GCLC: variants seen among roughly 807,000 people sequenced by gnomAD.
GCLC encodes the protein glutamate--cysteine ligase catalytic subunit.
A neutral mutation model predicts 81.5 loss-of-function variants in GCLC; 30 were observed. The ratio of observed to expected loss-of-function variants is 0.37; its 90% CI spans 0.28 to 0.50. GCLC has a LOEUF of 0.50. Among genes scored for constraint, GCLC ranks in the 20% least tolerant of loss-of-function variants. The pLI, the probability that GCLC is intolerant of heterozygous loss-of-function variation, is 0.96. For missense variants in GCLC, 556 were observed against 777.4 expected, an observed-to-expected ratio of 0.72 and a Z score of 3.39; for synonymous variants, 262 against 273.3, an observed-to-expected ratio of 0.96 and a Z score of 0.41.
chr6:53,500,305 G>A lies in GCLC; in HGVS notation c.1523C>T (p.Thr508Met), dbSNP rs747153536. The change falls in exon 14 of 16, where the codon ACG becomes ATG. Residue 508 changes from threonine to methionine, a missense_variant. Around this residue, in one of 3 missense-constraint regions of GCLC, gnomAD observed 313 missense variants for 437.3 expected, o/e 0.72. Transcript: ENST00000650454. ...VDGCGKAQNS[T>M]ELAAEEYTLM... ...GGTGTACTCCTCTGCAGCGAGCTCC[G>A]TGCTGTTCTGGGCCTTGCCACAACC... 16 of 1,614,114 alleles carry A rather than the reference G, an allele frequency of 9.9e-6. No homozygotes were observed. The highest frequency in any genetic ancestry group is 1.6e-4 in the Middle Eastern group (1 of 6,062).
intron 1 of GCLC, 105 bp downstream of exon 1, chr6:53,544,391 T>C: frequency 8.2e-7 from 1 of 1,225,340 alleles, no homozygotes. Flanking sequence ...CCGGGCGCAG[T>C]GGAGAACGCG....
intron 1 of GCLC, among the ~76,000 whole-genome samples, chr6:53,538,135 CCTT>C (rs773799332): frequency 9.6e-6 from 1 of 103,888 alleles, no homozygotes; most frequent in South Asian, 3.1e-4. Context: ...TTTTTTCTTT[CCTT>C]TTTTTTTTTT....
At position 53,522,407 on chromosome 6, in the gene GCLC, G is replaced by A; in HGVS notation, c.263+8C>T. On this transcript the variant is annotated splice_region_variant and intron_variant, in intron 2 of 15. Coordinates refer to ENST00000650454, the MANE Select transcript of GCLC (RefSeq NM_001498.4). ...TCAGAAACACTAAATCAGCACATGA[G>A]AGCTTACTTTGGGTTTGTCCTTTCC... 6 of 1,482,798 alleles carry A rather than the reference G, an allele frequency of 4.0e-6. No homozygotes were observed. The highest frequency in any genetic ancestry group is 5.7e-6 in the Non-Finnish European group (6 of 1,059,966). 91.9% of individuals were successfully genotyped at this position (1,482,798 alleles called of 1,614,324 possible).
At chr6:53,533,995 A>G (rs1355694471) in intron 1 of GCLC, among the ~76,000 whole-genome samples, 1 of 152,044 alleles carries the variant, frequency 6.6e-6, no homozygotes, top group East Asian at 1.9e-4. Context: ...GGTTTTCACC[A>G]TGTTGGTCAG....
intron 3 of GCLC, among the ~76,000 whole-genome samples, chr6:53,517,933 G>T (rs557959637): frequency 1.3e-5 from 2 of 151,942 alleles, no homozygotes; most frequent in Non-Finnish European, 1.5e-5. Context: ...TTACTGTTTT[G>T]GACTAGAGTT....
intron 3 of GCLC, among the ~76,000 whole-genome samples, chr6:53,516,681 G>C (rs1764879635): frequency 6.6e-6 from 1 of 152,092 alleles, no homozygotes; most frequent in East Asian, 1.9e-4. Context: ...CCACTTCCTG[G>C]TAGGCTCTGA....
intron 3 of GCLC, among the ~76,000 whole-genome samples, chr6:53,518,548 G>A (rs1762929853): frequency 6.6e-6 from 1 of 152,154 alleles, no homozygotes; most frequent in South Asian, 2.1e-4. Flanking sequence ...ACCATGCCCA[G>A]ACACTAAATC....
At chr6:53,510,404 C>G (rs2127621782) in intron 6 of GCLC, 1 of 150,216 alleles carries the variant, frequency 6.7e-6, no homozygotes, top group African/African-American at 2.5e-5. Context: ...GAGAAAAGAT[C>G]ATATAACTTG....
intron 3 of GCLC, among the ~76,000 whole-genome samples, chr6:53,518,860 G>A (rs1298770624): frequency 6.6e-6 from 1 of 152,080 alleles, no homozygotes; most frequent in Non-Finnish European, 1.5e-5. Context: ...CCTACTCCTT[G>A]GCCTCTACTC....
chr6:53,541,617 G>A (rs553463837), intron 1 of GCLC, among the ~76,000 whole-genome samples: 8 of 152,216 alleles, frequency 5.3e-5, no homozygotes, highest in African/African-American at 1.7e-4. Flanking sequence ...AGGGTGGGGG[G>A]GCGGTGGGGG....
rs1188367846 is a variant in GCLC, at chr6:53,506,400, C to T, written c.1198-505G>A. 3 of 212,378 alleles carry T rather than the reference C, an allele frequency of 1.4e-5. No homozygotes were observed. Among genetic ancestry groups the T allele is most frequent in the East Asian group, 1.2e-4 (1 of 8,252 alleles). The allele number at this position is 212,378 out of a possible 1,614,324, so 13.2% of individuals were successfully genotyped here. On this transcript the variant is annotated intron_variant, in intron 10 of 15. Transcript: ENST00000650454. This position sits in a 1 kb window ranked among gnomAD's most constrained non-coding sequence, Gnocchi z 4.0. Reference sequence around the variant, plus strand: ...TCTCCGTCCTGACCATCTTGGGACCCGATGGCAAGACTGGAAGGATTTATA... The same window carrying T: ...TCTCCGTCCTGACCATCTTGGGACCTGATGGCAAGACTGGAAGGATTTATA...
intron 1 of GCLC, 81 bp downstream of exon 1, chr6:53,544,415 C>T (rs1763410510): frequency 6.8e-7 from 1 of 1,467,310 alleles, no homozygotes; most frequent in Non-Finnish European, 9.4e-7. Context: ...CGCGATAGGG[C>T]CGGGGGCGTA....
intron 3 of GCLC, among the ~76,000 whole-genome samples, chr6:53,516,439 CACT>C (rs1315193364): frequency 6.6e-6 from 1 of 152,160 alleles, no homozygotes; most frequent in Admixed American, 6.5e-5. Context: ...AATTCCAGCC[CACT>C]ACTAACTTTA....
At chr6:53,526,984 A>C (rs776018675) in intron 1 of GCLC, among the ~76,000 whole-genome samples, 1 of 152,130 alleles carries the variant, frequency 6.6e-6, no homozygotes, top group Non-Finnish European at 1.5e-5. Flanking sequence ...TTTCTCTGTA[A>C]ATGAGAAGGA....
At chr6:53,511,106 G>A (rs754820856) in intron 6 of GCLC, among the ~76,000 whole-genome samples, 2 of 151,552 alleles carry the variant, frequency 1.3e-5, no homozygotes, top group South Asian at 2.1e-4. Context: ...CCAGAAGGGC[G>A]GGGATCTTTC....
intron 1 of GCLC, among the ~76,000 whole-genome samples, chr6:53,537,545 G>A (rs1406172516): frequency 1.3e-5 from 2 of 151,974 alleles, no homozygotes; most frequent in Non-Finnish European, 2.9e-5. Context: ...GGGAGGCTGC[G>A]GCTGCAGCAC....
chr6:53,530,633 GC>G (rs1763156258), intron 1 of GCLC, among the ~76,000 whole-genome samples: 1 of 152,134 alleles, frequency 6.6e-6, no homozygotes, highest in Non-Finnish European at 1.5e-5. Context: ...TGGGAAGGCT[GC>G]AGTCACATTA....
At chr6:53,524,745 G>A (rs1168343354) in intron 1 of GCLC, among the ~76,000 whole-genome samples, 1 of 152,186 alleles carries the variant, frequency 6.6e-6, no homozygotes, top group Non-Finnish European at 1.5e-5. Flanking sequence ...CTTACTGAGT[G>A]CATCATTTAT....
At chr6:53,513,980 C>T (rs1033338445) in intron 6 of GCLC, 11 of 566,356 alleles carry the variant, frequency 1.9e-5, no homozygotes, top group East Asian at 2.9e-5. Context: ...GTATATATAC[C>T]GTATATACCT....
Sources: gnomAD v4.1 joint callset for allele counts (sites outside exome capture counted in the v4.1 genomes callset) on GRCh38, gnomAD v4.1.1 for gene constraint, gnomAD v4.1.1 regional missense constraint, Gnocchi (gnomAD v3.1) non-coding constraint, MANE v1.5 for transcripts, NCBI Gene and HGNC (gene_info 2026-07-23, HGNC 2026-07-21) for gene names.